ATRN: variants seen among roughly 807,000 people sequenced by gnomAD.
ATRN encodes the protein attractin-2.
A neutral mutation model predicts 178.7 loss-of-function variants in ATRN; 54 were observed. The ratio of observed to expected loss-of-function variants is 0.30; its 90% CI spans 0.24 to 0.38. The LOEUF is 0.38. ATRN is among the 10% of genes least tolerant of loss of function. The pLI is 1.00. For synonymous variants in ATRN, 636 were observed against 663.0 expected (o/e 0.96, Z 0.63); for missense variants, 1,443 against 1,815.1 (o/e 0.79, Z 3.73).
In ATRN at chr20:3,584,081, C is replaced by A. The variant is rs538689193; in HGVS notation, c.2948C>A (p.Pro983His). The change falls in exon 17 of 29, where the codon CCC becomes CAC. Residue 983 changes from proline (P) to histidine (H), a missense_variant and splice_region_variant. Around this residue, in one of 4 missense-constraint regions of ATRN, gnomAD observed 212 missense variants for 330.7 expected, o/e 0.64. Transcript: ENST00000262919. Reference sequence around the variant, plus strand: ...GAATGGTATACGATGAGCACCTGCCCCCGTAAGTGAAAAAGGGAGCCCTAG... The same window carrying A: ...GAATGGTATACGATGAGCACCTGCCACCGTAAGTGAAAAAGGGAGCCCTAG... ...CMEWYTMSTCPPENCSGYCTC... is the reference protein window; with the variant it reads ...CMEWYTMSTCHPENCSGYCTC... 1 of 1,612,952 alleles carries A rather than the reference C, an allele frequency of 6.2e-7. No homozygotes were observed. Among genetic ancestry groups the A allele is most frequent in the African/African-American group, 1.3e-5 (1 of 74,972 alleles).
At chr20:3,503,536 A>G (rs951843324) in intron 1 of ATRN, among the ~76,000 whole-genome samples, 3 of 152,202 alleles carry the variant, frequency 2.0e-5, no homozygotes, top group African/African-American at 7.2e-5. Context: ...TTAAAACTAA[A>G]TAAATGAAAT....
intron 11 of ATRN, among the ~76,000 whole-genome samples, chr20:3,566,904 C>CAAAAAA (rs33920660): frequency 2.3e-5 from 2 of 86,438 alleles, no homozygotes; most frequent in African/African-American, 4.7e-5. Context: ...GACTCCATCT[C>CAAAAAA]AAAAAAAAAA....
intron 1 of ATRN, among the ~76,000 whole-genome samples, chr20:3,505,759 A>G (rs2085034694): frequency 6.6e-6 from 1 of 152,234 alleles, no homozygotes; most frequent in Non-Finnish European, 1.5e-5. Flanking sequence ...TAATGTAGGT[A>G]GATAGAAAAG....
Position 3,601,050 on chromosome 20 carries a change from C to T in ATRN, c.3643+26C>T, listed in dbSNP as rs680566. 7,401 of 1,561,440 alleles carry T rather than the reference C, an allele frequency of 4.7e-3. 38 individuals carry two copies. The highest frequency in any genetic ancestry group is 0.019 in the Middle Eastern group (110 of 5,944). On this transcript the variant is annotated intron_variant, in intron 23 of 28. Coordinates refer to ENST00000262919, the MANE Select transcript of ATRN (RefSeq NM_139321.3). ...GTAAAGACATACCTAGAGAAGACCC[C>T]GCAAATGAAGGTGTGGTAGATTAAG...
At chr20:3,549,661 G>C (rs1600097989) in intron 6 of ATRN, among the ~76,000 whole-genome samples, 1 of 152,062 alleles carries the variant, frequency 6.6e-6, no homozygotes, top group African/African-American at 2.4e-5. Flanking sequence ...AAGGTCAAAT[G>C]GTTTGAATTT....
chr20:3,604,502 C>G (rs2086653618), intron 24 of ATRN, among the ~76,000 whole-genome samples: 1 of 152,238 alleles, frequency 6.6e-6, no homozygotes, highest in African/African-American at 2.4e-5. Flanking sequence ...TGGCATGTAA[C>G]AGATTTGGTC....
intron 1 of ATRN, among the ~76,000 whole-genome samples, chr20:3,530,911 T>G (rs1031901000): frequency 1.3e-5 from 2 of 152,162 alleles, no homozygotes; most frequent in Admixed American, 6.5e-5. Context: ...TATATTTGTT[T>G]CCACTGCAGA....
chr20:3,481,441 CTGGGCTCAAG>C (rs1446180392), intron 1 of ATRN, among the ~76,000 whole-genome samples: 1 of 152,148 alleles, frequency 6.6e-6, no homozygotes, highest in Non-Finnish European at 1.5e-5. Context: ...CCTTGAGCCT[CTGGGCTCAAG>C]TGCCTCCCAC....
In ATRN at chr20:3,621,012, G is replaced by A. The variant is rs145099451; in HGVS notation, c.3802-3499G>A. Among the ~76,000 whole-genome samples the A allele has an allele frequency of 2.6e-4, 40 of 152,062 alleles. 1 individual carries two copies. The highest frequency in any genetic ancestry group is 5.1e-4 in the African/African-American group (21 of 41,460). On this transcript the variant is annotated intron_variant, in intron 24 of 28. Coordinates refer to ENST00000262919, the MANE Select transcript of ATRN (RefSeq NM_139321.3). ...TTTTTTTAAGCTCATCAGCACTATC[G>A]TTAGTGTTAGTGTTAGTGTATTTTA...
chr20:3,593,633 G>C (rs1568752118), intron 19 of ATRN, among the ~76,000 whole-genome samples: 1 of 152,170 alleles, frequency 6.6e-6, no homozygotes, highest in Admixed American at 6.5e-5. Flanking sequence ...AGACACTCAT[G>C]ATTCTGACTT....
chr20:3,605,246 CA>C (rs1010240833), intron 24 of ATRN, among the ~76,000 whole-genome samples: 19 of 152,088 alleles, frequency 1.2e-4, no homozygotes, highest in African/African-American at 4.1e-4. Flanking sequence ...ATTAAAAAGT[CA>C]AAAAAGAACA....
chr20:3,472,284 A>G (rs1171032656), intron 1 of ATRN, among the ~76,000 whole-genome samples: 6 of 152,242 alleles, frequency 3.9e-5, no homozygotes, highest in Non-Finnish European at 7.3e-5. Context: ...TTTCCAGATA[A>G]TACAGACAGA....
chr20:3,488,557 G>A (rs1174959423), intron 1 of ATRN, among the ~76,000 whole-genome samples: 1 of 152,082 alleles, frequency 6.6e-6, no homozygotes, highest in Non-Finnish European at 1.5e-5. Context: ...TCTGTTTCTG[G>A]ACTTTCTGTT....
In ATRN at chr20:3,489,894, T is replaced by C. The variant is rs564304695; in HGVS notation, c.410+18377T>C. The C allele has an allele frequency of 2.4e-5, 31 of 1,289,744 alleles. No individual in the cohort carries two copies. In the South Asian group the frequency reaches 3.4e-4, roughly 14 times the overall value. The allele number at this position is 1,289,744 out of a possible 1,614,324, so 79.9% of individuals were successfully genotyped here. On this transcript the variant is annotated intron_variant, in intron 1 of 28. Transcript: ENST00000262919. ...GCCATCCCAGCCAAGTGGCAGGTTTTTGGGGTTGTAAATGATCTCGTTCTT... is the reference window on the plus strand; with the variant it reads ...GCCATCCCAGCCAAGTGGCAGGTTTCTGGGGTTGTAAATGATCTCGTTCTT...
At position 3,649,082 on chromosome 20, in the gene ATRN, C is replaced by T. The variant is rs914918588; in HGVS notation, c.*2235C>T. 2 of 152,172 alleles carry T rather than the reference C, an allele frequency of 1.3e-5. No individual in the cohort carries two copies. Among genetic ancestry groups the T allele is most frequent in the African/African-American group, 4.8e-5 (2 of 41,420 alleles). 9.4% of individuals were successfully genotyped at this position (152,172 alleles called of 1,614,324 possible). A position where few individuals can be genotyped will look rare whatever the true frequency, so the allele number is the denominator to read the frequency against. ...CAAGTGAAGTTTCATTCTGCTCCAG[C>T]GGTGGGGAAGCCGCTGAATCCACCT... On this transcript the variant is annotated 3_prime_UTR_variant, in exon 29 of 29. Coordinates refer to ENST00000262919, the MANE Select transcript of ATRN (RefSeq NM_139321.3).
intron 1 of ATRN, among the ~76,000 whole-genome samples, chr20:3,518,599 G>C (rs143811207): frequency 6.6e-6 from 1 of 152,050 alleles, no homozygotes; most frequent in East Asian, 1.9e-4. Flanking sequence ...TAAGTCTTAC[G>C]GAATGTGAAT....
rs1424698165 is a variant in ATRN at position 3,638,833 on chromosome 20, T to A, written c.3948T>A (p.Leu1316=). 1 of 1,614,136 alleles carries A rather than the reference T, an allele frequency of 6.2e-7. No individual in the cohort carries two copies. Among genetic ancestry groups the A allele is most frequent in the South Asian group, 1.1e-5 (1 of 91,068 alleles). Residue 1316 remains leucine, a synonymous_variant, in exon 27 of 29, where the codon CTT becomes CTA. Coordinates refer to ENST00000262919, the MANE Select transcript of ATRN (RefSeq NM_139321.3). This position sits in a 1 kb window ranked among gnomAD's most constrained non-coding sequence, Gnocchi z 4.5. ...TTTGCCATATTATTTATCAGCAACT[T>A]CTTCGAGAGATGCAACAGATGGCCA... ...SCWASRRREQ[L]LREMQQMASR...
chr20:3,575,928 C>A lies in ATRN; in HGVS notation c.2194C>A (p.His732Asn). 1.2e-6 allele frequency: 2 copies of A among 1,613,842 alleles called. No individual in the cohort carries two copies. Among genetic ancestry groups the A allele is most frequent in the East Asian group, 4.5e-5 (2 of 44,862 alleles). ...CAATGACCATTGTGTCCCCAGGAAC[C>A]ACAGCTGCTCAGAAGGCCAGGTCAG... ...WCNDHCVPRNHSCSEGQISIF... is the reference protein window; with the variant it reads ...WCNDHCVPRNNSCSEGQISIF... The change falls in exon 13 of 29, where the codon CAC (histidine) becomes AAC (asparagine). Residue 732 changes from histidine to asparagine, a missense_variant. Around this residue, in one of 4 missense-constraint regions of ATRN, gnomAD observed 862 missense variants for 972.1 expected, o/e 0.89. Coordinates refer to ENST00000262919, the MANE Select transcript of ATRN (RefSeq NM_139321.3).
At chr20:3,509,512 T>G (rs76843296) in intron 1 of ATRN, among the ~76,000 whole-genome samples, 5 of 152,056 alleles carry the variant, frequency 3.3e-5, no homozygotes, top group Middle Eastern at 3.4e-3. Context: ...TTTTTTTTTT[T>G]TGGAGACAGG....
Sources: allele counts gnomAD v4.1 joint callset (sites outside exome capture counted in the v4.1 genomes callset), GRCh38; gene constraint gnomAD v4.1.1; regional missense constraint gnomAD v4.1.1; non-coding constraint Gnocchi (gnomAD v3.1); transcripts MANE v1.5; gene names NCBI Gene and HGNC (gene_info 2026-07-23, HGNC 2026-07-21).